The following EPB41L3 variants were observed in gnomAD, a reference collection of about 807,000 sequenced individuals.
EPB41L3 encodes erythrocyte membrane protein band 4.1 like 3.
Under a neutral mutation model 127.1 loss-of-function variants are expected in EPB41L3, and 57 were observed. That is an observed-to-expected ratio of 0.45 (90% CI 0.36 to 0.56). The LOEUF (loss-of-function observed/expected upper bound fraction) is 0.56. Among genes scored for constraint, EPB41L3 ranks in the 20% least tolerant of loss-of-function variants. EPB41L3 has a pLI of 0.00. For missense variants in EPB41L3, 1,273 were observed against 1,372.2 expected, an observed-to-expected ratio of 0.93 and a Z score of 1.14; for synonymous variants, 572 against 549.5, an observed-to-expected ratio of 1.04 and a Z score of -0.57.
rs150308497 is a variant in EPB41L3, at chr18:5,473,584, A to C, written c.381+4657T>G. 4.4e-3 allele frequency among the ~76,000 whole-genome samples: 676 copies of C among 152,044 alleles called. 3 individuals carry two copies. The highest frequency in any genetic ancestry group is 7.4e-3 in the Non-Finnish European group (504 of 68,004). ...AGTCACTACGAATACACTGTACACTAATCAGTGAGACTCCAATCAGTCTGC... is the reference window on the plus strand; with the variant it reads ...AGTCACTACGAATACACTGTACACTCATCAGTGAGACTCCAATCAGTCTGC... On this transcript the variant is annotated intron_variant, in intron 3 of 22. Transcript: ENST00000341928.
At chr18:5,555,781 G>A (rs938587919) in intron 3 of EPB41L3, among the ~76,000 whole-genome samples, 16 of 152,104 alleles carry the variant, frequency 1.1e-4, no homozygotes, top group African/African-American at 3.9e-4. Context: ...TCTCACCCCT[G>A]CCTAGAACTT....
intron 3 of EPB41L3, among the ~76,000 whole-genome samples, chr18:5,571,572 G>A (rs926554112): frequency 1.3e-5 from 2 of 152,130 alleles, no homozygotes; most frequent in African/African-American, 4.8e-5. Context: ...AATTTTAAAC[G>A]TTTACAAATT....
chr18:5,511,749 A>G (rs1310740455), intron 1 of EPB41L3, among the ~76,000 whole-genome samples: 1 of 151,678 alleles, frequency 6.6e-6, no homozygotes, highest in African/African-American at 2.4e-5. Flanking sequence ...TTCCAGACGC[A>G]TACAGACAGA....
chr18:5,401,354 T>C (rs2074463328), intron 16 of EPB41L3, among the ~76,000 whole-genome samples: 1 of 152,174 alleles, frequency 6.6e-6, no homozygotes. Context: ...AAGAACAATA[T>C]AAAGGTATTC....
intron 3 of EPB41L3, among the ~76,000 whole-genome samples, chr18:5,609,229 TC>T (rs1182411788): frequency 1.3e-5 from 2 of 152,180 alleles, no homozygotes; most frequent in African/African-American, 2.4e-5. Context: ...TCAACTTATT[TC>T]TTTTTTTAAA....
intron 3 of EPB41L3, among the ~76,000 whole-genome samples, chr18:5,559,100 AT>A (rs138427890): frequency 8.6e-5 from 13 of 151,742 alleles, no homozygotes; most frequent in South Asian, 8.3e-4. Flanking sequence ...TGAATAAACA[AT>A]TTTTTTTTCT....
chr18:5,548,328 CTCTTCA>C, upstream of EPB41L3, among the ~76,000 whole-genome samples: 1 of 152,198 alleles, frequency 6.6e-6, no homozygotes, highest in Non-Finnish European at 1.5e-5. Flanking sequence ...TCCAGATGCT[CTCTTCA>C]TATTGAGTTT....
In EPB41L3 at chr18:5,565,367, G is replaced by A. The variant is rs899584486; in HGVS notation, c.-306+46973C>T. Reference sequence around the variant, plus strand: ...GTGGAGGTTGTAGAGAGCCAAGATCGTGCCATTGCACTCCAGCCTGGGCAA... The same window carrying A: ...GTGGAGGTTGTAGAGAGCCAAGATCATGCCATTGCACTCCAGCCTGGGCAA... On this transcript the variant is annotated intron_variant, in intron 3 of 21. Coordinates refer to the EPB41L3 transcript ENST00000545076. Among the ~76,000 whole-genome samples, 9 of 152,134 alleles carry A rather than the reference G, an allele frequency of 5.9e-5. No homozygotes were observed. In the South Asian group the frequency reaches 6.2e-4, roughly 11 times the overall value.
At chr18:5,468,661 TG>T (rs1206275357) in intron 3 of EPB41L3, among the ~76,000 whole-genome samples, 1 of 152,088 alleles carries the variant, frequency 6.6e-6, no homozygotes, top group East Asian at 1.9e-4. Flanking sequence ...AACCTGCCTG[TG>T]AAAAGAGCTA....
chr18:5,544,430 G>T (rs2093841929), upstream of EPB41L3: 2 of 570,308 alleles, frequency 3.5e-6, no homozygotes, highest in African/African-American at 2.0e-5. Context: ...TTTTTGGAAA[G>T]AAAATAAAAT....
In EPB41L3 at chr18:5,488,524, T is replaced by G. The variant is rs532297657; in HGVS notation, c.183+477A>C. Among the ~76,000 whole-genome samples the G allele has an allele frequency of 2.0e-5, 3 of 151,790 alleles. No individual in the cohort carries two copies. In the South Asian group the frequency reaches 6.3e-4, roughly 32 times the overall value. ...CACGTGTATACCTATGTAACAAACC[T>G]GCACGTTCTGCACATGTGTCCCAGA... is the stretch of plus-strand genomic sequence containing the variant. On this transcript the variant is annotated intron_variant, in intron 2 of 22. Transcript: ENST00000341928.
At chr18:5,440,125 G>A (rs912291325) in intron 5 of EPB41L3, among the ~76,000 whole-genome samples, 1 of 152,172 alleles carries the variant, frequency 6.6e-6, no homozygotes, top group Admixed American at 6.5e-5. Flanking sequence ...CCACCCCAGA[G>A]ATTTTTATTC....
At chr18:5,570,363 A>C (rs1017574606) in intron 3 of EPB41L3, 3 of 152,168 alleles carry the variant, frequency 2.0e-5, no homozygotes, top group Non-Finnish European at 1.5e-5. Flanking sequence ...ATTTCCTGGA[A>C]TATGGCATTT....
intron 2 of EPB41L3, among the ~76,000 whole-genome samples, chr18:5,487,146 T>TA (rs1486237313): frequency 6.6e-6 from 1 of 152,016 alleles, no homozygotes; most frequent in African/African-American, 2.4e-5. Context: ...TATTCAGCCA[T>TA]AAAAAAGGAA....
In EPB41L3 at chr18:5,439,256, T is replaced by C. The variant is rs1350601677; in HGVS notation, c.530-1146A>G. Among the ~76,000 whole-genome samples the C allele has an allele frequency of 2.6e-5, 4 of 152,160 alleles. No individual in the cohort carries two copies. In the East Asian group the frequency reaches 7.7e-4, roughly 29 times the overall value. On this transcript the variant is annotated intron_variant, in intron 5 of 22. Transcript: ENST00000341928. ...CCACCGACTTGCCCTTACTCTAGGA[T>C]TCTGACTTCACAGTCCACCCCTTAT...
At chr18:5,578,781 T>A (rs1279851489) in intron 3 of EPB41L3, among the ~76,000 whole-genome samples, 3 of 152,158 alleles carry the variant, frequency 2.0e-5, no homozygotes, top group Non-Finnish European at 2.9e-5. Context: ...CAATTCCAGG[T>A]GTTGGAAGGA....
At chr18:5,485,401 T>C (rs1356640126) in intron 2 of EPB41L3, among the ~76,000 whole-genome samples, 1 of 152,012 alleles carries the variant, frequency 6.6e-6, no homozygotes, top group Non-Finnish European at 1.5e-5. Context: ...TATTGAATTG[T>C]GAAAAACTGA....
At position 5,395,160 on chromosome 18, in the gene EPB41L3, T is replaced by G; in HGVS notation, c.3073-13A>C. The G allele has an allele frequency of 6.2e-7, 1 of 1,611,790 alleles. No homozygotes were observed. The highest frequency in any genetic ancestry group is 8.5e-7 in the Non-Finnish European group (1 of 1,177,862). ...CCCCTTTCACAGTCTGCAAGACACG[T>G]AGAGAAGCTTTATGAATTTACTCAC... On this transcript the variant is annotated splice_polypyrimidine_tract_variant and intron_variant, in intron 20 of 22. Coordinates refer to ENST00000341928, the MANE Select transcript of EPB41L3 (RefSeq NM_012307.5).
Position 5,543,906 on chromosome 18 carries a change from A to G in EPB41L3, c.-12+7T>C, listed in dbSNP as rs1158709917. 5.5e-5 allele frequency: 54 copies of G among 983,608 alleles called. No individual in the cohort carries two copies. Among genetic ancestry groups the G allele is most frequent in the Non-Finnish European group, 6.4e-5 (53 of 829,530 alleles). The allele number at this position is 983,608 out of a possible 1,614,324, so 60.9% of individuals were successfully genotyped here. ...CAGTCCCCCACTCCGAGAGGCGGAAAAGTTACCTGGGATCAGCAGGGAGCC... is the reference window on the plus strand; with the variant it reads ...CAGTCCCCCACTCCGAGAGGCGGAAGAGTTACCTGGGATCAGCAGGGAGCC... On this transcript the variant is annotated splice_region_variant and intron_variant, in intron 1 of 22. Transcript: ENST00000341928. This position sits in a 1 kb window ranked among gnomAD's most constrained non-coding sequence, Gnocchi z 5.2.
Sources: gnomAD v4.1 joint callset for allele counts (sites outside exome capture counted in the v4.1 genomes callset) on GRCh38, gnomAD v4.1.1 for gene constraint, Gnocchi (gnomAD v3.1) non-coding constraint, MANE v1.5 for transcripts, NCBI Gene and HGNC (gene_info 2026-07-23, HGNC 2026-07-21) for gene names.